Variants in MRPS10 observed in about 807,000 individuals in gnomAD.
The protein encoded by MRPS10 is small ribosomal subunit protein uS10m.
MRPS10 carries 23 observed loss-of-function variants against 27.5 expected under a neutral mutation model. The observed-to-expected ratio is 0.84, with a 90% CI of 0.60 to 1.18. The LOEUF (loss-of-function observed/expected upper bound fraction) is 1.18, where lower values mean the gene tolerates loss of function less well. Among genes scored for constraint, MRPS10 ranks in the 50% most tolerant of loss-of-function variants. The probability of loss-of-function intolerance (pLI) is 0.00; values close to 1 mark genes in which losing one functional copy is unlikely to be tolerated. For missense variants in MRPS10, 237 were observed against 240.1 expected, an observed-to-expected ratio of 0.99 and a Z score of 0.09; for synonymous variants, 88 against 84.2, an observed-to-expected ratio of 1.04 and a Z score of -0.25.
chr6:42,210,082 C>T lies in MRPS10; in HGVS notation c.432+406G>A, dbSNP rs369642214. ...AGAACCTATGCTCTCCTTAAGCACA[C>T]GACTGTGCTGGCACTAATGGAAGCA... is the stretch of plus-strand genomic sequence containing the variant. On this transcript the variant is annotated intron_variant, in intron 5 of 6. Transcript: ENST00000053468. Among the ~76,000 whole-genome samples the T allele has an allele frequency of 1.6e-4, 24 of 152,300 alleles. 2 individuals are homozygous for T. The highest frequency in any genetic ancestry group is 3.8e-4 in the East Asian group (2 of 5,196).
chr6:42,211,817 A>C lies in MRPS10; in HGVS notation c.287T>G (p.Val96Gly), dbSNP rs760960910. Residue 96 changes from valine to glycine, a missense_variant, in exon 4 of 7, where the codon GTG (valine) becomes GGG (glycine). Physicochemically the swap from Val to Gly is moderately radical, Grantham distance 109. Around this residue, in one of 3 missense-constraint regions of MRPS10, gnomAD observed 164 missense variants for 137.8 expected, o/e 1.19. Coordinates refer to ENST00000053468, the MANE Select transcript of MRPS10 (RefSeq NM_018141.4). The stretch of plus-strand genomic sequence containing the variant: ...GATACCAAGTTCTTTAGCAGCAAGC[A>C]CAGCAAAATATTCATAACTGTCCAA... Reference protein sequence around the residue: ...AVLDSYEYFAVLAAKELGISI... With the variant: ...AVLDSYEYFAGLAAKELGISI... The C allele has an allele frequency of 6.2e-7, 1 of 1,613,954 alleles. No individual in the cohort carries two copies. The highest frequency in any genetic ancestry group is 8.5e-7 in the Non-Finnish European group (1 of 1,180,002).
rs1020627544 is a variant in MRPS10, at chr6:42,207,140, C to G, written c.*1149G>C. On this transcript the variant is annotated 3_prime_UTR_variant, in exon 7 of 7. Transcript: ENST00000053468. Reference sequence around the variant, plus strand: ...GGAAAAGCAGACATCTCCTAACAAACAGAGTGACATTTACCAAAATAAAGA... The same window carrying G: ...GGAAAAGCAGACATCTCCTAACAAAGAGAGTGACATTTACCAAAATAAAGA... 9 of 151,320 alleles carry G rather than the reference C, an allele frequency of 5.9e-5. No individual in the cohort carries two copies. Among genetic ancestry groups the G allele is most frequent in the Non-Finnish European group, 1.3e-4 (9 of 68,004 alleles). 9.4% of individuals were successfully genotyped at this position (151,320 alleles called of 1,614,324 possible). A position where few individuals can be genotyped will look rare whatever the true frequency, so the allele number is the denominator to read the frequency against.
chr6:42,216,043 T>TGA (rs1768920177), intron 1 of MRPS10, among the ~76,000 whole-genome samples: 1 of 75,828 alleles, frequency 1.3e-5, no homozygotes, highest in Admixed American at 1.5e-4. Flanking sequence ...TTTTTTTTTT[T>TGA]GAGAGAGTCT....
chr6:42,214,394 A>G, intron 1 of MRPS10, 50 bp from the exon 2 acceptor site: 1 of 1,377,392 alleles, frequency 7.3e-7, no homozygotes, highest in Non-Finnish European at 1.0e-6. Context: ...TCAACTACCA[A>G]ACCATTCATA....
At chr6:42,211,137 G>T (rs1213028734) in intron 4 of MRPS10, among the ~76,000 whole-genome samples, 1 of 152,212 alleles carries the variant, frequency 6.6e-6, no homozygotes, top group Non-Finnish European at 1.5e-5. Flanking sequence ...ACCCTGCAGT[G>T]ACTCCAAGGC....
intron 2 of MRPS10, 33 bp from the exon 3 acceptor site, chr6:42,214,225 A>G: frequency 1.2e-6 from 2 of 1,606,650 alleles, no homozygotes; most frequent in South Asian, 2.2e-5. Flanking sequence ...AAACCTAAGT[A>G]AAATAGCACA....
At chr6:42,208,694 G>C (rs1245475791) in intron 6 of MRPS10, among the ~76,000 whole-genome samples, 164 bp downstream of exon 6, 1 of 152,152 alleles carries the variant, frequency 6.6e-6, no homozygotes, top group Non-Finnish European at 1.5e-5. Flanking sequence ...CTGTTGCAAG[G>C]GGTGGGTAGC....
chr6:42,208,687 T>C (rs1768681174), intron 6 of MRPS10, among the ~76,000 whole-genome samples, 171 bp downstream of exon 6: 1 of 152,054 alleles, frequency 6.6e-6, no homozygotes, highest in Non-Finnish European at 1.5e-5. Flanking sequence ...CAGGATTCTG[T>C]TGCAAGGGGT....
At chr6:42,209,928 T>C (rs1562071756) in intron 5 of MRPS10, among the ~76,000 whole-genome samples, 1 of 152,204 alleles carries the variant, frequency 6.6e-6, no homozygotes, top group Non-Finnish European at 1.5e-5. Flanking sequence ...TTTTCCATTC[T>C]AATCCTCACA....
intron 3 of MRPS10, among the ~76,000 whole-genome samples, chr6:42,212,572 C>T (rs1266868457): frequency 1.3e-5 from 2 of 152,176 alleles, no homozygotes; most frequent in African/African-American, 4.8e-5. Flanking sequence ...TAACTTCAAC[C>T]TCTTCCACCC....
At position 42,207,376 on chromosome 6, in the gene MRPS10, C is replaced by G. The variant is rs1377614220; in HGVS notation, c.*913G>C. ...AGCTGGGATTACAGGCACGTGCCAC[C>G]ATGTCCAGCTAATTTTTGTATTTTT... On this transcript the variant is annotated 3_prime_UTR_variant, in exon 7 of 7. Transcript: ENST00000053468. The G allele has an allele frequency of 6.6e-6, 1 of 152,138 alleles. No individual in the cohort carries two copies. The highest frequency in any genetic ancestry group is 1.5e-5 in the Non-Finnish European group (1 of 68,068). The allele number at this position is 152,138 out of a possible 1,614,324, so 9.4% of individuals were successfully genotyped here. A position where few individuals can be genotyped will look rare whatever the true frequency, so the allele number is the denominator to read the frequency against.
chr6:42,213,749 G>A (rs1768845449), intron 3 of MRPS10, among the ~76,000 whole-genome samples: 1 of 152,152 alleles, frequency 6.6e-6, no homozygotes, highest in African/African-American at 2.4e-5. Context: ...CACTGTCCAG[G>A]CCCAGGCTCA....
chr6:42,214,012 CAAA>C (rs1438047031), intron 3 of MRPS10, 105 bp downstream of exon 3: 1 of 846,718 alleles, frequency 1.2e-6, no homozygotes, highest in African/African-American at 1.7e-5. Context: ...TATTCTAGGA[CAAA>C]ATTTTTTTAT....
Position 42,214,260 on chromosome 6 carries a change from A to G in MRPS10, c.113+20T>C. 1 of 1,610,924 alleles carries G rather than the reference A, an allele frequency of 6.2e-7. No homozygotes were observed. The highest frequency in any genetic ancestry group is 8.5e-7 in the Non-Finnish European group (1 of 1,177,402). On this transcript the variant is annotated intron_variant, in intron 2 of 6. Coordinates refer to ENST00000053468, the MANE Select transcript of MRPS10 (RefSeq NM_018141.4). ...AAGAACCTATTTTGTTCAATTTAGC[A>G]CATCCAATTGTATACTTACAGAAGC...
intron 3 of MRPS10, 109 bp from the exon 4 acceptor site, chr6:42,212,026 G>T: frequency 1.0e-6 from 1 of 999,536 alleles, no homozygotes; most frequent in South Asian, 1.6e-5. Flanking sequence ...AATAAATGAG[G>T]AGAAAAACAC....
At chr6:42,214,073 C>T in intron 3 of MRPS10, 47 bp downstream of exon 3, 1 of 1,466,338 alleles carries the variant, frequency 6.8e-7, no homozygotes, top group African/African-American at 1.4e-5. Flanking sequence ...ATAAGGAAAA[C>T]CTATTGCCAA....
In MRPS10 at chr6:42,214,115, C is replaced by G; in HGVS notation, c.186+5G>C. ...TCCTTATACCAAGAAACAGGGAGTA[C>G]ATACCACAGGTTTGGTCAAATCCTT... On this transcript the variant is annotated splice_donor_5th_base_variant and intron_variant, in intron 3 of 6. Transcript: ENST00000053468. 1 of 1,606,618 alleles carries G rather than the reference C, an allele frequency of 6.2e-7. No homozygotes were observed. Among genetic ancestry groups the G allele is most frequent in the African/African-American group, 1.3e-5 (1 of 74,820 alleles).
At chr6:42,213,265 A>G (rs1321745305) in intron 3 of MRPS10, among the ~76,000 whole-genome samples, 2 of 152,158 alleles carry the variant, frequency 1.3e-5, no homozygotes, top group Non-Finnish European at 2.9e-5. Flanking sequence ...CCTGGCCAAC[A>G]TGGGAAAACC....
Position 42,213,024 on chromosome 6 carries a change from G to C in MRPS10, c.186+1096C>G, listed in dbSNP as rs544173210. On this transcript the variant is annotated intron_variant, in intron 3 of 6. Transcript: ENST00000053468. ...TTTCCCACAGGGCAACAAGTGGCTA[G>C]AATAAGTAGCTGCTGTCTTGCTTAT... 2.0e-5 allele frequency among the ~76,000 whole-genome samples: 3 copies of C among 152,248 alleles called. No homozygotes were observed. The East Asian group carries it at 5.8e-4, about 29-fold the overall frequency.
Sources: gnomAD v4.1 joint callset for allele counts (sites outside exome capture counted in the v4.1 genomes callset) on GRCh38, gnomAD v4.1.1 for gene constraint, gnomAD v4.1.1 regional missense constraint, MANE v1.5 for transcripts, NCBI Gene and HGNC (gene_info 2026-07-23, HGNC 2026-07-21) for gene names.